PMEL: variants seen among roughly 807,000 people sequenced by gnomAD.
PMEL encodes melanocyte protein PMEL.
A neutral mutation model predicts 64.9 loss-of-function variants in PMEL; 53 were observed. The observed-to-expected ratio is 0.82, with a 90% CI of 0.66 to 1.03. PMEL has a LOEUF of 1.03. PMEL is among the 50% of genes least tolerant of loss of function. PMEL has a pLI of 0.00. For missense variants in PMEL, 716 were observed against 814.9 expected (o/e 0.88, Z 1.48); for synonymous variants, 299 against 316.2 (o/e 0.95, Z 0.58).
chr12:55,966,697 G>T (rs925513900), upstream of PMEL: 5 of 1,102,660 alleles, frequency 4.5e-6, no homozygotes, highest in Non-Finnish European at 4.4e-6. Flanking sequence ...GATCATTTGC[G>T]GGGAGGAGCG....
At chr12:55,966,551 A>C (rs1889309132), upstream of PMEL, 10 of 409,608 alleles carry the variant, frequency 2.4e-5, no homozygotes, top group South Asian at 7.9e-4. Flanking sequence ...AGTGAGTTAG[A>C]AATCAAGAAA....
intron 3 of PMEL, among the ~76,000 whole-genome samples, chr12:55,960,061 A>G (rs922191246): frequency 6.6e-6 from 1 of 151,662 alleles, no homozygotes; most frequent in Non-Finnish European, 1.5e-5. Flanking sequence ...GCATGGTGAC[A>G]TGCGCCTGTA....
chr12:55,956,117 G>A lies in PMEL; in HGVS notation c.1457C>T (p.Thr486Ile). ...GCAAGACTCACGGACAATGTCCAGG[G>A]TGACGGAAAAGGAACCATATCGATA... is the stretch of plus-strand genomic sequence containing the variant. The part of the protein sequence containing the change: ...VLYRYGSFSV[T>I]LDIVQGIESA... Residue 486 changes from threonine (T) to isoleucine (I), a missense_variant, in exon 7 of 11, where the codon ACC (threonine) becomes ATC (isoleucine). By Grantham distance (89) the Thr-to-Ile change is moderately conservative (BLOSUM62 -1). Coordinates refer to ENST00000548747, the MANE Select transcript of PMEL (RefSeq NM_001384361.1). 2 of 1,611,254 alleles carry A rather than the reference G, an allele frequency of 1.2e-6. No individual in the cohort carries two copies. The highest frequency in any genetic ancestry group is 2.2e-5 in the South Asian group (2 of 91,020).
At position 55,957,688 on chromosome 12, in the gene PMEL, A is replaced by G. The variant is rs748038420; in HGVS notation, c.632-17T>C. The G allele has an allele frequency of 2.5e-6, 4 of 1,598,220 alleles. No individual in the cohort carries two copies. The African/African-American group carries it at 5.4e-5, about 21-fold the overall frequency. On this transcript the variant is annotated splice_polypyrimidine_tract_variant and intron_variant, in intron 5 of 10. Coordinates refer to ENST00000548747, the MANE Select transcript of PMEL (RefSeq NM_001384361.1). The stretch of plus-strand genomic sequence containing the variant: ...GCACCTGGTCTGGGATTGGAGCCAG[A>G]AAAGGTGAGAACCAGGCCTGAGCCA...
At chr12:55,958,712 T>A in intron 3 of PMEL, 105 bp from the exon 4 acceptor site, 1 of 1,155,638 alleles carries the variant, frequency 8.7e-7, no homozygotes, top group Non-Finnish European at 1.2e-6. Flanking sequence ...CTGGGAATAT[T>A]CCCTAGCTAG....
chr12:55,955,193 G>T, intron 10 of PMEL, 81 bp downstream of exon 10: 1 of 1,007,566 alleles, frequency 9.9e-7, no homozygotes, highest in Non-Finnish European at 1.6e-6. Context: ...AAAGGGAGAG[G>T]TGGTTTCTTC....
chr12:55,957,315 T>C lies in PMEL; in HGVS notation c.988A>G (p.Thr330Ala). 3 of 1,604,958 alleles carry C rather than the reference T, an allele frequency of 1.9e-6. No homozygotes were observed. The highest frequency in any genetic ancestry group is 2.7e-5 in the African/African-American group (2 of 74,746). ...CCAGGTGTAGTACCCACAACTTCTG[T>C]AGTAGGCACTTGGCCAGCTGTGGTG... ...PNTTAGQVPT[T>A]EVVGTTPGQA... The change falls in exon 6 of 11, where the codon ACA becomes GCA. Residue 330 changes from threonine to alanine, a missense_variant. Physicochemically the swap from Thr to Ala is moderately conservative, Grantham distance 58 (BLOSUM62 0). Transcript: ENST00000548747.
In PMEL at chr12:55,957,345, G is replaced by T; in HGVS notation, c.958C>A (p.Pro320Thr). 1.3e-6 allele frequency: 2 copies of T among 1,597,666 alleles called. No homozygotes were observed. The highest frequency in any genetic ancestry group is 1.7e-6 in the Non-Finnish European group (2 of 1,170,248). The change falls in exon 6 of 11, where the codon CCT becomes ACT. Residue 320 changes from proline (P) to threonine (T), a missense_variant. Pro to Thr is a conservative substitution (Grantham distance 38). Coordinates refer to ENST00000548747, the MANE Select transcript of PMEL (RefSeq NM_001384361.1). ...TDGHRPTAEA[P>T]NTTAGQVPTT... is the part of the protein sequence containing the mutation. ...GGCACTTGGCCAGCTGTGGTGTTAG[G>T]GGCCTCTGCAGTTGGCCTGTGCCCA...
In PMEL at chr12:55,960,019, G is replaced by A. The variant is rs563020948; in HGVS notation, c.334+1298C>T. ...ATCCTGGATAACATGGTGAAACCCC[G>A]TCTCTACTAAAAATACAAAAGAATT... On this transcript the variant is annotated intron_variant, in intron 3 of 10. Transcript: ENST00000548747. Among the ~76,000 whole-genome samples, 5 of 151,848 alleles carry A rather than the reference G, an allele frequency of 3.3e-5. No individual in the cohort carries two copies. In the East Asian group the frequency reaches 5.8e-4, roughly 18 times the overall value.
intron 1 of PMEL, among the ~76,000 whole-genome samples, chr12:55,962,382 G>A (rs1449104961): frequency 7.2e-6 from 1 of 138,946 alleles, no homozygotes; most frequent in Non-Finnish European, 1.5e-5. Flanking sequence ...GGCAGAGGTT[G>A]CAGTGAGCTG....
chr12:55,961,366 C>A lies in PMEL; in HGVS notation c.285G>T (p.Lys95Asn). The change falls in exon 3 of 11, where the codon AAG (lysine) becomes AAT (asparagine). Residue 95 changes from lysine (K) to asparagine (N), a missense_variant. By Grantham distance (94) the Lys-to-Asn change is moderately conservative. Coordinates refer to ENST00000548747, the MANE Select transcript of PMEL (RefSeq NM_001384361.1). Reference protein sequence around the residue: ...SIALNFPGSQKVLPDGQVIWV... With the variant: ...SIALNFPGSQNVLPDGQVIWV... ...AGATAACCTGCCCATCTGGCAATACCTTTTGGCTTCCAGGGAAGTTCAAGG... is the reference window on the plus strand; with the variant it reads ...AGATAACCTGCCCATCTGGCAATACATTTTGGCTTCCAGGGAAGTTCAAGG... 6.2e-7 allele frequency: 1 copy of A among 1,614,156 alleles called. No individual in the cohort carries two copies. The highest frequency in any genetic ancestry group is 8.5e-7 in the Non-Finnish European group (1 of 1,180,022).
chr12:55,966,652 G>C, upstream of PMEL: 1 of 1,063,120 alleles, frequency 9.4e-7, no homozygotes, highest in Non-Finnish European at 1.1e-6. Flanking sequence ...GAAGAAACTT[G>C]TCTAGCCCCC....
chr12:55,955,875 C>A lies in PMEL; in HGVS notation c.1472-12G>T. 6.2e-7 allele frequency: 1 copy of A among 1,611,844 alleles called. No homozygotes were observed. ...ACTTTCAATACCCTCTGCAGAGTTG[C>A]AAGCTTATCAAATTAGGATTCCTCT... On this transcript the variant is annotated splice_polypyrimidine_tract_variant and intron_variant, in intron 7 of 10. Coordinates refer to ENST00000548747, the MANE Select transcript of PMEL (RefSeq NM_001384361.1).
At chr12:55,962,516 CTT>C (rs1161956723) in intron 1 of PMEL, among the ~76,000 whole-genome samples, 47 of 73,164 alleles carry the variant, frequency 6.4e-4, no homozygotes, top group East Asian at 3.1e-3. Flanking sequence ...TATTATTACT[CTT>C]TTTTTTTTTT....
rs1451313075 is a variant in PMEL at position 55,958,054 on chromosome 12, A to T, written c.500T>A (p.Val167Glu). The T allele has an allele frequency of 6.2e-7, 1 of 1,614,136 alleles. No homozygotes were observed. The highest frequency in any genetic ancestry group is 1.7e-5 in the Admixed American group (1 of 60,014). ...GQYWQVLGGP[V>E]SGLSIGTGRA... is the part of the protein sequence containing the mutation. ...GCCTGTCCCAATGCTCAGCCCAGAC[A>T]CTGGGCCCCCTAGAACTTGCCAGTA... Residue 167 changes from valine to glutamate, a missense_variant, in exon 5 of 11, where the codon GTG becomes GAG. Transcript: ENST00000548747.
At chr12:55,957,737 C>T in intron 5 of PMEL, 66 bp from the exon 6 acceptor site, 1 of 1,547,228 alleles carries the variant, frequency 6.5e-7, no homozygotes, top group Non-Finnish European at 8.7e-7. Flanking sequence ...CACAGCCACA[C>T]CCTCCAACTC....
At chr12:55,966,185 G>T, upstream of PMEL, 1 of 954,546 alleles carries the variant, frequency 1.0e-6, no homozygotes, top group Non-Finnish European at 1.5e-6. Flanking sequence ...CCTAGACATT[G>T]CTTTCCCATC....
At chr12:55,955,221 G>A in intron 10 of PMEL, 53 bp downstream of exon 10, 2 of 1,272,856 alleles carry the variant, frequency 1.6e-6, no homozygotes, top group Non-Finnish European at 2.3e-6. Context: ...GAGGAAAAGT[G>A]AGTAGTGATA....
intron 3 of PMEL, among the ~76,000 whole-genome samples, chr12:55,959,062 G>A (rs1889004474): frequency 6.6e-6 from 1 of 150,698 alleles, no homozygotes; most frequent in East Asian, 2.1e-4. Flanking sequence ...TTACAGGCGT[G>A]CACCACCATG....
Sources: allele counts gnomAD v4.1 joint callset (sites outside exome capture counted in the v4.1 genomes callset), GRCh38; gene constraint gnomAD v4.1.1; transcripts MANE v1.5; gene names NCBI Gene and HGNC (gene_info 2026-07-23, HGNC 2026-07-21).